SIPA1L1: variants seen among roughly 807,000 people sequenced by gnomAD.
The protein encoded by SIPA1L1 is signal-induced proliferation-associated 1-like protein 1.
Under a neutral mutation model 162.7 loss-of-function variants are expected in SIPA1L1, and 26 were observed. That is an observed-to-expected ratio of 0.16 (90% CI 0.12 to 0.22). The LOEUF is 0.22. Among genes scored for constraint, SIPA1L1 ranks in the 10% least tolerant of loss-of-function variants. The pLI is 1.00. For missense variants in SIPA1L1, 1,874 were observed against 2,241.0 expected (o/e 0.84, Z 3.31); for synonymous variants, 829 against 837.4 (o/e 0.99, Z 0.17).
chr14:71,563,704 C>G (rs555481634), intron 4 of SIPA1L1, among the ~76,000 whole-genome samples: 1 of 152,332 alleles, frequency 6.6e-6, no homozygotes, highest in Non-Finnish European at 1.5e-5. Flanking sequence ...CACACACTAT[C>G]TTCTTTACTG....
At chr14:71,655,979 TAA>T (rs2043022518) in intron 8 of SIPA1L1, among the ~76,000 whole-genome samples, 4 of 152,198 alleles carry the variant, frequency 2.6e-5, no homozygotes, top group Admixed American at 2.6e-4. Flanking sequence ...TTCTTTCTGG[TAA>T]AGTTTAATAC....
intron 4 of SIPA1L1, among the ~76,000 whole-genome samples, chr14:71,567,320 A>G (rs1296322407): frequency 1.3e-5 from 2 of 152,206 alleles, no homozygotes; most frequent in East Asian, 1.9e-4. Context: ...TCCTCCTATC[A>G]TTGTTTTTAA....
chr14:71,655,424 A>G (rs1566576666), intron 8 of SIPA1L1, among the ~76,000 whole-genome samples: 1 of 152,182 alleles, frequency 6.6e-6, no homozygotes, highest in African/African-American at 2.4e-5. Context: ...CAGTGCTGCA[A>G]TAAACAAATT....
intron 4 of SIPA1L1, chr14:71,573,931 A>G (rs1319762904): frequency 3.1e-6 from 1 of 324,224 alleles, no homozygotes. Context: ...TCTTAGTTCA[A>G]CATATTCTTT....
At chr14:71,630,067 A>T (rs1452425712) in intron 7 of SIPA1L1, among the ~76,000 whole-genome samples, 1 of 152,196 alleles carries the variant, frequency 6.6e-6, no homozygotes, top group African/African-American at 2.4e-5. Context: ...TCCAAAACTG[A>T]TTTTCTCTAA....
At chr14:71,435,119 T>G (rs190244626) in intron 2 of SIPA1L1, among the ~76,000 whole-genome samples, 126 of 152,318 alleles carry the variant, frequency 8.3e-4, no homozygotes, top group African/African-American at 2.9e-3. Context: ...TAAACTGCCC[T>G]GCTTAAACAT....
chr14:71,397,334 C>G lies in SIPA1L1; in HGVS notation c.-465+76153C>G, dbSNP rs190263867. On this transcript the variant is annotated intron_variant, in intron 2 of 23. Transcript: ENST00000381232. ...CTTACATTCATTTCTTTCTTTATTC[C>G]CACTACCCCAGTTCAGATCCCAGTC... Among the ~76,000 whole-genome samples the G allele has an allele frequency of 2.6e-5, 4 of 152,146 alleles. No homozygotes were observed. In the East Asian group the frequency reaches 7.7e-4, roughly 29 times the overall value.
chr14:71,411,944 G>A (rs1470441664), intron 2 of SIPA1L1, among the ~76,000 whole-genome samples: 1 of 152,182 alleles, frequency 6.6e-6, no homozygotes, highest in Non-Finnish European at 1.5e-5. Context: ...CATAAATCCT[G>A]TCCTTTTGCT....
At chr14:71,401,175 A>G (rs1173315721) in intron 2 of SIPA1L1, among the ~76,000 whole-genome samples, 1 of 152,194 alleles carries the variant, frequency 6.6e-6, no homozygotes, top group Non-Finnish European at 1.5e-5. Context: ...TAGTTTGTTC[A>G]GATTACTGTT....
intron 6 of SIPA1L1, among the ~76,000 whole-genome samples, chr14:71,622,798 A>T (rs2039584349): frequency 6.6e-6 from 1 of 152,138 alleles, no homozygotes; most frequent in South Asian, 2.1e-4. Flanking sequence ...TCCCCCTACG[A>T]ACACGTCCTG....
Position 71,583,740 on chromosome 14 carries a change from G to A in SIPA1L1, c.-302-3831G>A, listed in dbSNP as rs1342886711. On this transcript the variant is annotated intron_variant, in intron 4 of 23. Transcript: ENST00000381232. ...TTGTTGGTTATTTCATTGTAAAATA[G>A]GTAAATAAAGAAGATGTCAAATGAG... 5.9e-5 allele frequency among the ~76,000 whole-genome samples: 9 copies of A among 151,902 alleles called. No individual in the cohort carries two copies. In the East Asian group the frequency reaches 1.5e-3, roughly 26 times the overall value.
At chr14:71,620,376 C>T (rs2039306099) in intron 6 of SIPA1L1, among the ~76,000 whole-genome samples, 1 of 152,172 alleles carries the variant, frequency 6.6e-6, no homozygotes, top group South Asian at 2.1e-4. Context: ...GCCGTTCCTA[C>T]CAGTTTTTAG....
intron 2 of SIPA1L1, among the ~76,000 whole-genome samples, chr14:71,481,976 T>C (rs995031301): frequency 6.6e-6 from 1 of 152,260 alleles, no homozygotes; most frequent in African/African-American, 2.4e-5. Flanking sequence ...GGTATTTTTA[T>C]GCTTTTAGTA....
chr14:71,485,635 GTAT>G (rs1172632181), intron 2 of SIPA1L1, among the ~76,000 whole-genome samples: 1 of 151,840 alleles, frequency 6.6e-6, no homozygotes, highest in Non-Finnish European at 1.5e-5. Flanking sequence ...GTGGTGAGTT[GTAT>G]AATTATTTTA....
chr14:71,404,389 C>A (rs938792370), intron 2 of SIPA1L1, among the ~76,000 whole-genome samples: 1 of 152,078 alleles, frequency 6.6e-6, no homozygotes, highest in African/African-American at 2.4e-5. Flanking sequence ...ACTAAAAATA[C>A]AAAAATTAGC....
chr14:71,537,708 T>C (rs1041302849), intron 4 of SIPA1L1, among the ~76,000 whole-genome samples: 2 of 152,130 alleles, frequency 1.3e-5, no homozygotes, highest in African/African-American at 4.8e-5. Flanking sequence ...CTTTTTTTTT[T>C]TCTCCCTTGA....
At position 71,587,555 on chromosome 14, in the gene SIPA1L1, T is replaced by A. The variant is rs558946252; in HGVS notation, c.-302-16T>A. Reference sequence around the variant, plus strand: ...TGTATTTATCTGCTAATTCAAATTATCCTTTTCTCTTTTAGAGAAAGCATG... The same window carrying A: ...TGTATTTATCTGCTAATTCAAATTAACCTTTTCTCTTTTAGAGAAAGCATG... On this transcript the variant is annotated splice_polypyrimidine_tract_variant and intron_variant, in intron 4 of 23. Transcript: ENST00000381232. 3 of 411,700 alleles carry A rather than the reference T, an allele frequency of 7.3e-6. No homozygotes were observed. Among genetic ancestry groups the A allele is most frequent in the South Asian group, 2.1e-4 (2 of 9,674 alleles). 25.5% of individuals were successfully genotyped at this position (411,700 alleles called of 1,614,324 possible). A position where few individuals can be genotyped will look rare whatever the true frequency, so the allele number is the denominator to read the frequency against.
intron 3 of SIPA1L1, among the ~76,000 whole-genome samples, chr14:71,525,837 A>G (rs2052809798): frequency 6.6e-6 from 1 of 152,202 alleles, no homozygotes; most frequent in Non-Finnish European, 1.5e-5. Context: ...TACTTTTTAA[A>G]TTCTGTATTG....
At chr14:71,404,598 C>G (rs1430090122) in intron 2 of SIPA1L1, among the ~76,000 whole-genome samples, 1 of 152,134 alleles carries the variant, frequency 6.6e-6, no homozygotes, top group East Asian at 1.9e-4. Flanking sequence ...AAGGTGTTTT[C>G]TGATTTCACT....
Sources: gnomAD v4.1 joint callset for allele counts (sites outside exome capture counted in the v4.1 genomes callset) on GRCh38, gnomAD v4.1.1 for gene constraint, MANE v1.5 for transcripts, NCBI Gene and HGNC (gene_info 2026-07-23, HGNC 2026-07-21) for gene names.